The following MCTP2 variants were observed in gnomAD, a reference collection of about 807,000 sequenced individuals.
MCTP2 encodes the protein multiple C2 and transmembrane domain containing 2, also known as multiple C2 and transmembrane domain-containing protein 2.
A neutral mutation model predicts 111.6 loss-of-function variants in MCTP2; 132 were observed. The ratio of observed to expected loss-of-function variants is 1.18; its 90% CI spans 1.03 to 1.37. MCTP2 has a LOEUF of 1.37. Ranked by LOEUF, MCTP2 falls within the 40% of genes most tolerant of loss-of-function variation. MCTP2 has a pLI of 0.00. For synonymous variants in MCTP2, 395 were observed against 387.7 expected, an observed-to-expected ratio of 1.02 and a Z score of -0.22; for missense variants, 1,183 against 1,067.9, an observed-to-expected ratio of 1.11 and a Z score of -1.50.
rs892821509 is a variant in MCTP2 at position 94,295,810 on chromosome 15, G to A, written c.-65-2391G>A. 2.6e-4 allele frequency among the ~76,000 whole-genome samples: 39 copies of A among 151,766 alleles called. 1 individual carries two copies. The highest frequency in any genetic ancestry group is 5.2e-4 in the Non-Finnish European group (35 of 67,906). Reference sequence around the variant, plus strand: ...TGTGTCTGTAGTCCCAGCTATTTGGGAGGCTGAACTGGGAGGGTCGCTTGA... The same window carrying A: ...TGTGTCTGTAGTCCCAGCTATTTGGAAGGCTGAACTGGGAGGGTCGCTTGA... On this transcript the variant is annotated intron_variant, in intron 1 of 22. Coordinates refer to ENST00000357742, the MANE Select transcript of MCTP2 (RefSeq NM_001385001.1).
intron 1 of MCTP2, among the ~76,000 whole-genome samples, chr15:94,276,695 G>A (rs1373599836): frequency 2.0e-5 from 2 of 101,042 alleles, no homozygotes; most frequent in African/African-American, 5.8e-5. Flanking sequence ...GAATGAAAAA[G>A]ATAGTTTAAC....
intron 17 of MCTP2, among the ~76,000 whole-genome samples, chr15:94,421,737 A>C (rs894128217): frequency 6.6e-6 from 1 of 152,092 alleles, no homozygotes; most frequent in Admixed American, 6.6e-5. Context: ...TATTTGTCCC[A>C]CTCAGGTAAT....
intron 2 of MCTP2, among the ~76,000 whole-genome samples, chr15:94,305,651 A>G (rs2075844374): frequency 6.6e-6 from 1 of 152,196 alleles, no homozygotes; most frequent in Admixed American, 6.5e-5. Context: ...CCTTGCTTAT[A>G]TGATATGCAT....
intron 1 of MCTP2, among the ~76,000 whole-genome samples, chr15:94,253,447 C>G (rs1013742080): frequency 6.6e-6 from 1 of 152,174 alleles, no homozygotes; most frequent in African/African-American, 2.4e-5. Flanking sequence ...ATATAATCAG[C>G]AAATTACAAA....
chr15:94,345,023 G>T, intron 7 of MCTP2, 106 bp from the exon 8 acceptor site: 1 of 1,287,298 alleles, frequency 7.8e-7, no homozygotes, highest in Non-Finnish European at 1.1e-6. Context: ...TTAATTATCT[G>T]AATGTAACCT....
chr15:94,385,369 G>A (rs768511534), intron 13 of MCTP2, 54 bp from the exon 14 acceptor site: 1 of 1,208,960 alleles, frequency 8.3e-7, no homozygotes, highest in Non-Finnish European at 1.2e-6. Context: ...GATCTTCATG[G>A]AACAGACTTC....
chr15:94,344,197 G>A (rs1426127336), intron 7 of MCTP2: 1 of 152,082 alleles, frequency 6.6e-6, no homozygotes. Context: ...AGTCATTTCT[G>A]TACCAACATT....
At chr15:94,354,172 C>G (rs1481711891) in intron 8 of MCTP2, among the ~76,000 whole-genome samples, 1 of 151,892 alleles carries the variant, frequency 6.6e-6, no homozygotes, top group African/African-American at 2.4e-5. Flanking sequence ...GAGGATAGTT[C>G]TTTCTTTTTA....
chr15:94,388,910 A>G lies in MCTP2; in HGVS notation c.1788+3385A>G, dbSNP rs560945227. 2.6e-5 allele frequency among the ~76,000 whole-genome samples: 4 copies of G among 152,296 alleles called. No individual in the cohort carries two copies. The East Asian group carries it at 7.7e-4, about 29-fold the overall frequency. On this transcript the variant is annotated intron_variant, in intron 14 of 22. Transcript: ENST00000357742. ...CACAGTGAGTAATTATTAAGTATAT[A>G]TCATCTCCAAAGCAAGAATCAAGAG...
chr15:94,402,318 C>T (rs368518706), intron 17 of MCTP2: 1 of 985,196 alleles, frequency 1.0e-6, no homozygotes, highest in African/African-American at 1.7e-5. Context: ...CCAGTGACCG[C>T]CCATAATTTC....
chr15:94,329,832 A>G (rs74028551), intron 4 of MCTP2, among the ~76,000 whole-genome samples: 5,633 of 152,178 alleles, frequency 0.037, 347 homozygotes, highest in African/African-American at 0.13. Flanking sequence ...CTTAAAATCT[A>G]TTCTCTTAAT....
intron 17 of MCTP2, among the ~76,000 whole-genome samples, chr15:94,427,198 T>C (rs953953309): frequency 3.3e-5 from 5 of 152,178 alleles, no homozygotes; most frequent in Admixed American, 2.6e-4. Flanking sequence ...TGCACTCCAA[T>C]TTTTGCCTCC....
intron 1 of MCTP2, among the ~76,000 whole-genome samples, chr15:94,243,828 T>G (rs957898719): frequency 2.1e-5 from 3 of 145,644 alleles, no homozygotes; most frequent in African/African-American, 7.6e-5. Context: ...TATACACATA[T>G]GTATATATTT....
intron 1 of MCTP2, among the ~76,000 whole-genome samples, chr15:94,277,118 TAA>T (rs1286850078): frequency 6.6e-6 from 1 of 152,140 alleles, no homozygotes; most frequent in African/African-American, 2.4e-5. Context: ...AATCCACATA[TAA>T]AAGTCAATTG....
chr15:94,300,963 C>G (rs182504060), intron 2 of MCTP2, among the ~76,000 whole-genome samples: 2 of 152,108 alleles, frequency 1.3e-5, no homozygotes, highest in Admixed American at 6.5e-5. Flanking sequence ...GTGGGCTGGT[C>G]CATGATAGTA....
chr15:94,290,951 T>C (rs992274954), intron 1 of MCTP2, among the ~76,000 whole-genome samples: 2 of 152,190 alleles, frequency 1.3e-5, no homozygotes, highest in African/African-American at 4.8e-5. Flanking sequence ...TTCACAACTA[T>C]AGTTGAAAAA....
chr15:94,366,557 T>G (rs1006900253), intron 10 of MCTP2, among the ~76,000 whole-genome samples: 4 of 152,196 alleles, frequency 2.6e-5, no homozygotes, highest in African/African-American at 9.7e-5. Context: ...TAAGTTAACC[T>G]ATTTGTAATT....
chr15:94,363,231 A>C (rs1382414360), intron 10 of MCTP2, among the ~76,000 whole-genome samples: 1 of 152,186 alleles, frequency 6.6e-6, no homozygotes, highest in Non-Finnish European at 1.5e-5. Context: ...CAGAAGGCAC[A>C]GTACTTGAGG....
At chr15:94,319,800 C>T (rs956925141) in intron 4 of MCTP2, among the ~76,000 whole-genome samples, 2 of 152,166 alleles carry the variant, frequency 1.3e-5, no homozygotes, top group Non-Finnish European at 2.9e-5. Context: ...CCAATTAAAA[C>T]AGGTTTAAGA....
Sources: allele counts gnomAD v4.1 joint callset (sites outside exome capture counted in the v4.1 genomes callset), GRCh38; gene constraint gnomAD v4.1.1; transcripts MANE v1.5; gene names NCBI Gene and HGNC (gene_info 2026-07-23, HGNC 2026-07-21).